HIBCH: variants seen among roughly 807,000 people sequenced by gnomAD.
HIBCH encodes the protein 3-hydroxyisobutyryl-CoA hydrolase.
Under a neutral mutation model 58.2 loss-of-function variants are expected in HIBCH, and 50 were observed. The ratio of observed to expected loss-of-function variants is 0.86; its 90% CI spans 0.68 to 1.09. The LOEUF is 1.09. Among genes scored for constraint, HIBCH ranks in the 50% least tolerant of loss-of-function variants. HIBCH has a pLI of 0.00. For missense variants in HIBCH, 450 were observed against 449.7 expected, an observed-to-expected ratio of 1.00 and a Z score of -0.01; for synonymous variants, 151 against 146.9, an observed-to-expected ratio of 1.03 and a Z score of -0.20.
chr2:190,199,475 T>G (rs1002025844), downstream of HIBCH, among the ~76,000 whole-genome samples: 3 of 152,178 alleles, frequency 2.0e-5, no homozygotes, highest in Admixed American at 6.5e-5. Flanking sequence ...GTTTTCAGTT[T>G]TATAAAATAT....
Position 190,315,061 on chromosome 2 carries a change from C to A in HIBCH, c.36-4265G>T, listed in dbSNP as rs921554125. 2.0e-5 allele frequency among the ~76,000 whole-genome samples: 3 copies of A among 151,988 alleles called. No individual in the cohort carries two copies. Among genetic ancestry groups the A allele is most frequent in the African/African-American group, 7.3e-5 (3 of 41,370 alleles). On this transcript the variant is annotated intron_variant, in intron 1 of 13. Transcript: ENST00000359678. The surrounding 1 kb of genome is among the most constrained non-coding windows in gnomAD (Gnocchi z 5.4). Reference sequence around the variant, plus strand: ...CTTCCGGGTTCACGCCATTCTCCTGCCTCAGTCTCCTGAGTAGCTGGGACT... The same window carrying A: ...CTTCCGGGTTCACGCCATTCTCCTGACTCAGTCTCCTGAGTAGCTGGGACT...
intron 6 of HIBCH, among the ~76,000 whole-genome samples, chr2:190,271,979 G>A (rs1051982456): frequency 2.1e-4 from 32 of 151,996 alleles, no homozygotes; most frequent in Non-Finnish European, 8.8e-5. Context: ...ACACTGCATC[G>A]AACCCTTACA....
Position 190,204,971 on chromosome 2 carries a change from C to CT in HIBCH, c.*145dup. ...AATTTTCACGTCATGAATTATTAGT[C>CT]TTTGATTTCTTTTCCCAACCATTTA... On this transcript the variant is annotated 3_prime_UTR_variant, in exon 14 of 14. Transcript: ENST00000359678. 1 of 661,492 alleles carries CT rather than the reference C, an allele frequency of 1.5e-6. No homozygotes were observed. 41.0% of individuals were successfully genotyped at this position (661,492 alleles called of 1,614,324 possible).
At position 190,236,412 on chromosome 2, in the gene HIBCH, G is replaced by C. The variant is rs1238577280; in HGVS notation, c.891+8475C>G. On this transcript the variant is annotated intron_variant, in intron 11 of 13. Transcript: ENST00000359678. This position sits in a 1 kb window ranked among gnomAD's most constrained non-coding sequence, Gnocchi z 4.1. ...TAAATCAAACATATTTAAGAGTTAT[G>C]TTCTGCTTTGAACTGTAAATATTTT... is the stretch of plus-strand genomic sequence containing the variant. Among the ~76,000 whole-genome samples the C allele has an allele frequency of 6.6e-6, 1 of 152,110 alleles. No individual in the cohort carries two copies. Among genetic ancestry groups the C allele is most frequent in the Non-Finnish European group, 1.5e-5 (1 of 68,012 alleles).
At chr2:190,228,541 A>C (rs1685988945) in intron 11 of HIBCH, among the ~76,000 whole-genome samples, 1 of 135,912 alleles carries the variant, frequency 7.4e-6, no homozygotes, top group Admixed American at 7.2e-5. Context: ...TAGAACTTAA[A>C]GTATAATTAA....
rs1423706981 is a variant in HIBCH, at chr2:190,210,207, C to G, written c.1012-1294G>C. On this transcript the variant is annotated intron_variant, in intron 12 of 13. Transcript: ENST00000359678. The surrounding 1 kb of genome is among the most constrained non-coding windows in gnomAD (Gnocchi z 5.5). ...TCTCCAACTTACTACACTCTAACTTCTGCCCCCACTCCTCTAAAATGGCTT... is the reference window on the plus strand; with the variant it reads ...TCTCCAACTTACTACACTCTAACTTGTGCCCCCACTCCTCTAAAATGGCTT... Among the ~76,000 whole-genome samples the G allele has an allele frequency of 6.6e-6, 1 of 152,228 alleles. No homozygotes were observed. Among genetic ancestry groups the G allele is most frequent in the African/African-American group, 2.4e-5 (1 of 41,466 alleles).
chr2:190,319,505 C>T (rs548277289), intron 1 of HIBCH, among the ~76,000 whole-genome samples: 5 of 151,302 alleles, frequency 3.3e-5, no homozygotes, highest in African/African-American at 1.2e-4. Flanking sequence ...GGCAGAAAAC[C>T]AGAGTGCTGC....
At chr2:190,313,214 C>T (rs891452324) in intron 1 of HIBCH, among the ~76,000 whole-genome samples, 3 of 144,402 alleles carry the variant, frequency 2.1e-5, no homozygotes, top group South Asian at 2.3e-4. Context: ...CGGGCATGTT[C>T]GAGCTCACAG....
chr2:190,301,931 C>T (rs1049401820), intron 2 of HIBCH, among the ~76,000 whole-genome samples: 1 of 152,186 alleles, frequency 6.6e-6, no homozygotes, highest in Non-Finnish European at 1.5e-5. Context: ...AAAAGCCCCA[C>T]CTCTTAATAC....
chr2:190,199,862 T>C (rs1690161958), downstream of HIBCH: 3 of 1,613,162 alleles, frequency 1.9e-6, no homozygotes, highest in Non-Finnish European at 1.7e-6. Flanking sequence ...CTTCATAACA[T>C]GGGCTGCATG....
chr2:190,278,066 A>T (rs189282250), intron 6 of HIBCH, among the ~76,000 whole-genome samples: 33 of 152,282 alleles, frequency 2.2e-4, no homozygotes, highest in African/African-American at 7.9e-4. Context: ...TGAATAACAA[A>T]CTGTAGTCTG....
At chr2:190,224,892 A>C (rs1416008672) in intron 11 of HIBCH, among the ~76,000 whole-genome samples, 1 of 152,196 alleles carries the variant, frequency 6.6e-6, no homozygotes, top group African/African-American at 2.4e-5. Context: ...CTCCTCAGCA[A>C]ATGTAAAAGA....
At chr2:190,292,400 G>A (rs1468364500) in intron 4 of HIBCH, among the ~76,000 whole-genome samples, 2 of 152,110 alleles carry the variant, frequency 1.3e-5, no homozygotes, top group African/African-American at 4.8e-5. Context: ...CACCTCCCAG[G>A]TTCAAGCAAT....
intron 11 of HIBCH, among the ~76,000 whole-genome samples, chr2:190,221,766 T>C (rs910505827): frequency 3.3e-5 from 5 of 152,058 alleles, no homozygotes; most frequent in Admixed American, 6.5e-5. Flanking sequence ...AGACTACGGT[T>C]GGACATTGGA....
chr2:190,310,521 A>T (rs1688530245), intron 2 of HIBCH, among the ~76,000 whole-genome samples: 1 of 152,246 alleles, frequency 6.6e-6, no homozygotes, highest in Admixed American at 6.5e-5. Flanking sequence ...AAGATTAAGT[A>T]GTGAACCCAT....
Position 190,236,825 on chromosome 2 carries a change from C to T in HIBCH, c.891+8062G>A, listed in dbSNP as rs1165560582. On this transcript the variant is annotated intron_variant, in intron 11 of 13. Coordinates refer to ENST00000359678, the MANE Select transcript of HIBCH (RefSeq NM_014362.4). This position sits in a 1 kb window ranked among gnomAD's most constrained non-coding sequence, Gnocchi z 4.1. Reference sequence around the variant, plus strand: ...ATACTATCTAAAGATACAAGTACTACTATTTTATGTTTCCTAAATGCCAAT... The same window carrying T: ...ATACTATCTAAAGATACAAGTACTATTATTTTATGTTTCCTAAATGCCAAT... Among the ~76,000 whole-genome samples, 2 of 152,246 alleles carry T rather than the reference C, an allele frequency of 1.3e-5. No homozygotes were observed. The highest frequency in any genetic ancestry group is 3.9e-4 in the East Asian group (2 of 5,184).
intron 2 of HIBCH, among the ~76,000 whole-genome samples, chr2:190,303,570 GAATA>G (rs1175520209): frequency 6.6e-6 from 1 of 152,020 alleles, no homozygotes; most frequent in Non-Finnish European, 1.5e-5. Context: ...ATAGCCCAAA[GAATA>G]AATATCCATG....
rs984514042 is a variant in HIBCH, at chr2:190,217,794, T to G, written c.892-4719A>C. On this transcript the variant is annotated intron_variant, in intron 11 of 13. Coordinates refer to ENST00000359678, the MANE Select transcript of HIBCH (RefSeq NM_014362.4). The surrounding 1 kb of genome is among the most constrained non-coding windows in gnomAD (Gnocchi z 4.6). Reference sequence around the variant, plus strand: ...TCACTAAAACAGCCACATAAACAGCTGAACCGGGGTGAGCACATTACACTC... The same window carrying G: ...TCACTAAAACAGCCACATAAACAGCGGAACCGGGGTGAGCACATTACACTC... Among the ~76,000 whole-genome samples the G allele has an allele frequency of 9.9e-5, 15 of 152,106 alleles. 1 individual carries two copies. In the South Asian group the frequency reaches 3.1e-3, roughly 32 times the overall value.
intron 2 of HIBCH, among the ~76,000 whole-genome samples, chr2:190,301,890 C>G (rs1309063951): frequency 2.0e-5 from 3 of 152,186 alleles, no homozygotes; most frequent in Non-Finnish European, 4.4e-5. Flanking sequence ...AATCCTGTGA[C>G]AGTGGGGTGC....
Sources: gnomAD v4.1 joint callset for allele counts (sites outside exome capture counted in the v4.1 genomes callset) on GRCh38, gnomAD v4.1.1 for gene constraint, Gnocchi (gnomAD v3.1) non-coding constraint, MANE v1.5 for transcripts, NCBI Gene and HGNC (gene_info 2026-07-23, HGNC 2026-07-21) for gene names.